Variants in HRH1 observed in about 807,000 individuals in gnomAD.
HRH1 encodes the protein histamine H1 receptor.
Under a neutral mutation model 10.3 loss-of-function variants are expected in HRH1, and 6 were observed. That is an observed-to-expected ratio of 0.58 (90% confidence interval 0.32 to 1.15). HRH1 has a LOEUF of 1.15. Among genes scored for constraint, HRH1 ranks in the 50% most tolerant of loss-of-function variants. HRH1 has a pLI of 0.05. For synonymous variants in HRH1, 242 were observed against 236.7 expected (o/e 1.02, Z -0.21); for missense variants, 514 against 615.3 (o/e 0.84, Z 1.74).
chr3:11,167,126 G>A (rs9818704), intron 1 of HRH1, among the ~76,000 whole-genome samples: 3,006 of 141,342 alleles, frequency 0.021, 112 homozygotes, highest in East Asian at 0.077. Flanking sequence ...CCCCAGGCCC[G>A]TGACATCTGC....
At chr3:11,250,788 T>C (rs1456442195) in intron 1 of HRH1, among the ~76,000 whole-genome samples, 1 of 152,206 alleles carries the variant, frequency 6.6e-6, no homozygotes, top group Non-Finnish European at 1.5e-5. Flanking sequence ...AATAGGCCTT[T>C]CGACTCTCCC....
chr3:11,141,228 GA>G (rs922568471), intron 1 of HRH1, among the ~76,000 whole-genome samples: 7 of 152,122 alleles, frequency 4.6e-5, no homozygotes, highest in African/African-American at 1.2e-4. Context: ...GTAAAATGGG[GA>G]TAATAAACTT....
At chr3:11,176,553 C>T (rs911512552) in intron 1 of HRH1, among the ~76,000 whole-genome samples, 4 of 152,170 alleles carry the variant, frequency 2.6e-5, no homozygotes, top group Non-Finnish European at 5.9e-5. Flanking sequence ...AACTCCAGGG[C>T]TCTGCCTACT....
chr3:11,254,173 A>G (rs1939726276), intron 1 of HRH1, among the ~76,000 whole-genome samples: 1 of 152,140 alleles, frequency 6.6e-6, no homozygotes, highest in African/African-American at 2.4e-5. Context: ...CCCTGAGTCC[A>G]TGGGGCTCAA....
chr3:11,252,997 A>C (rs1939691181), intron 1 of HRH1: 1 of 152,158 alleles, frequency 6.6e-6, no homozygotes, highest in African/African-American at 2.4e-5. Flanking sequence ...GCCTAATTTT[A>C]GTATTAAATC....
At chr3:11,190,536 G>A (rs145240908) in intron 1 of HRH1, among the ~76,000 whole-genome samples, 273 of 151,938 alleles carry the variant, frequency 1.8e-3, no homozygotes, top group African/African-American at 6.2e-3. Context: ...GACTACAGGC[G>A]CATGCTGCCA....
chr3:11,242,732 C>A (rs541485769), intron 1 of HRH1, among the ~76,000 whole-genome samples: 165 of 152,162 alleles, frequency 1.1e-3, no homozygotes, highest in African/African-American at 3.3e-3. Flanking sequence ...AAATTTTTAA[C>A]TATAAAGTGT....
intron 1 of HRH1, among the ~76,000 whole-genome samples, chr3:11,176,417 A>G (rs1405276151): frequency 6.6e-6 from 1 of 152,044 alleles, no homozygotes; most frequent in Non-Finnish European, 1.5e-5. Flanking sequence ...CAGATGCCTC[A>G]TGGAAGGTGG....
intron 1 of HRH1, among the ~76,000 whole-genome samples, chr3:11,246,887 A>G (rs1939505147): frequency 1.3e-5 from 2 of 152,112 alleles, no homozygotes; most frequent in Admixed American, 6.6e-5. Flanking sequence ...CTCTACAGAA[A>G]ATACAAAAAA....
Position 11,207,812 on chromosome 3 carries a change from GGGAGCCACTGCA to G in HRH1, c.-35-51187_-35-51176del, listed in dbSNP as rs761693079. Among the ~76,000 whole-genome samples the G allele has an allele frequency of 6.2e-4, 95 of 152,082 alleles. 2 individuals are homozygous for G. The highest frequency in any genetic ancestry group is 1.0e-3 in the Non-Finnish European group (71 of 67,962). On this transcript the variant is annotated intron_variant, in intron 1 of 1. Transcript: ENST00000431010. ...CTACTCCCCCTACTTGGAGGCCCTA[GGGAGCCACTGCA>G]GGATCAAGGGAGAAGAGCGGGCATC...
intron 1 of HRH1, among the ~76,000 whole-genome samples, chr3:11,240,538 T>A (rs1224817837): frequency 6.6e-6 from 1 of 152,078 alleles, no homozygotes; most frequent in Non-Finnish European, 1.5e-5. Flanking sequence ...TCTGACTCTG[T>A]AGCCTCTTTG....
intron 1 of HRH1, among the ~76,000 whole-genome samples, chr3:11,164,336 G>A (rs1229757288): frequency 4.6e-5 from 7 of 152,140 alleles, no homozygotes; most frequent in Non-Finnish European, 8.8e-5. Context: ...TGGGGTGGGC[G>A]TGAAGAACGA....
At chr3:11,198,213 T>G (rs1226734075) in intron 1 of HRH1, among the ~76,000 whole-genome samples, 1 of 152,146 alleles carries the variant, frequency 6.6e-6, no homozygotes, top group African/African-American at 2.4e-5. Flanking sequence ...ATCCCCTACC[T>G]TGCCCGCCGA....
intron 1 of HRH1, among the ~76,000 whole-genome samples, chr3:11,185,878 G>C (rs537084687): frequency 1.3e-5 from 2 of 152,154 alleles, no homozygotes; most frequent in Non-Finnish European, 2.9e-5. Context: ...CTCTGTGCCT[G>C]ACTTCCCAGG....
intron 1 of HRH1, among the ~76,000 whole-genome samples, chr3:11,225,580 C>A (rs1202337897): frequency 6.6e-6 from 1 of 152,250 alleles, no homozygotes; most frequent in Admixed American, 6.5e-5. Context: ...CACTTCTTGG[C>A]TCTGAGGACA....
chr3:11,244,390 G>T (rs1026805626), intron 1 of HRH1, among the ~76,000 whole-genome samples: 1 of 152,216 alleles, frequency 6.6e-6, no homozygotes, highest in African/African-American at 2.4e-5. Flanking sequence ...CAGCTGAGAA[G>T]CAGAGTTCTA....
At chr3:11,144,844 C>T (rs1206514069) in intron 1 of HRH1, among the ~76,000 whole-genome samples, 2 of 152,042 alleles carry the variant, frequency 1.3e-5, no homozygotes, top group African/African-American at 4.8e-5. Context: ...GCACTCCAGC[C>T]TGGGTGACAG....
chr3:11,242,745 A>G (rs1160524594), intron 1 of HRH1, among the ~76,000 whole-genome samples: 1 of 152,172 alleles, frequency 6.6e-6, no homozygotes, highest in East Asian at 1.9e-4. Flanking sequence ...TAAAGTGTTC[A>G]GGGAAAAGTA....
At chr3:11,247,840 G>A (rs998469635) in intron 1 of HRH1, among the ~76,000 whole-genome samples, 4 of 152,136 alleles carry the variant, frequency 2.6e-5, no homozygotes, top group Non-Finnish European at 4.4e-5. Context: ...GGAGGTTTTG[G>A]TGAGCGCTGT....
Sources: allele counts gnomAD v4.1 joint callset (sites outside exome capture counted in the v4.1 genomes callset), GRCh38; gene constraint gnomAD v4.1.1; transcripts MANE v1.5; gene names NCBI Gene and HGNC (gene_info 2026-07-23, HGNC 2026-07-21).